MRTFB: variants seen among roughly 807,000 people sequenced by gnomAD.
MRTFB encodes the protein myocardin related transcription factor B.
In MRTFB, 29 loss-of-function variants were observed where a neutral mutation model predicts 104.2. The ratio of observed to expected loss-of-function variants is 0.28; its 90% CI spans 0.21 to 0.38. The LOEUF is 0.38. Among genes scored for constraint, MRTFB ranks in the 10% least tolerant of loss-of-function variants. The probability of loss-of-function intolerance (pLI) is 1.00; values close to 1 mark genes in which losing one functional copy is unlikely to be tolerated. For missense variants in MRTFB, 1,270 were observed against 1,341.6 expected (o/e 0.95, Z 0.83); for synonymous variants, 535 against 519.5 (o/e 1.03, Z -0.41).
chr16:14,071,064 G>A (rs2033651996), upstream of MRTFB, among the ~76,000 whole-genome samples: 1 of 152,220 alleles, frequency 6.6e-6, no homozygotes. Context: ...CCCCGGACAT[G>A]CGCATGCGCA....
At chr16:14,010,853 C>T in the MRTFB span, among the ~76,000 whole-genome samples, 2 of 152,256 alleles carry the variant, frequency 1.3e-5, no homozygotes, top group Non-Finnish European at 2.9e-5. Context: ...CTAGATACAT[C>T]TCAATAGCCA....
chr16:14,216,667 C>T (rs1415225614), intron 6 of MRTFB, among the ~76,000 whole-genome samples: 1 of 152,018 alleles, frequency 6.6e-6, no homozygotes, highest in Non-Finnish European at 1.5e-5. Context: ...AATGATAGCT[C>T]TTCCCATTGA....
intron 3 of MRTFB, among the ~76,000 whole-genome samples, chr16:14,161,536 A>G (rs1160805471): frequency 6.6e-6 from 1 of 152,182 alleles, no homozygotes; most frequent in Non-Finnish European, 1.5e-5. Flanking sequence ...GTGGGCAAAA[A>G]TTTTTTAAAT....
chr16:14,048,010 A>C, the MRTFB span, among the ~76,000 whole-genome samples: 3 of 152,230 alleles, frequency 2.0e-5, no homozygotes, highest in African/African-American at 7.2e-5. Flanking sequence ...AGCCTGTAAA[A>C]TCAAAAGCAA....
intron 2 of MRTFB, among the ~76,000 whole-genome samples, chr16:14,107,824 G>C (rs1267376601): frequency 6.6e-6 from 1 of 152,228 alleles, no homozygotes; most frequent in Non-Finnish European, 1.5e-5. Context: ...CCCAGTGTGA[G>C]GTACACCAAG....
the MRTFB span, among the ~76,000 whole-genome samples, chr16:14,058,973 G>A: frequency 3.3e-5 from 5 of 152,106 alleles, no homozygotes; most frequent in South Asian, 1.0e-3. Context: ...GCCTGCCTCG[G>A]CCTCCCAAAG....
chr16:14,229,707 G>A (rs1314958016), intron 8 of MRTFB, among the ~76,000 whole-genome samples: 9 of 152,006 alleles, frequency 5.9e-5, no homozygotes, highest in Non-Finnish European at 1.2e-4. Flanking sequence ...GCCATTTCTA[G>A]TAGGAGAAAA....
chr16:14,027,333 T>C, the MRTFB span, among the ~76,000 whole-genome samples: 1 of 152,050 alleles, frequency 6.6e-6, no homozygotes, highest in Non-Finnish European at 1.5e-5. Flanking sequence ...AACAACAAAA[T>C]GATAGGAATG....
At chr16:14,234,539 A>C (rs945147090) in intron 9 of MRTFB, among the ~76,000 whole-genome samples, 8 of 152,194 alleles carry the variant, frequency 5.3e-5, no homozygotes, top group Non-Finnish European at 1.0e-4. Context: ...TACCTCTGTA[A>C]TCCCAGTGCT....
intron 2 of MRTFB, among the ~76,000 whole-genome samples, chr16:14,081,642 C>G (rs2034412885): frequency 6.6e-6 from 1 of 151,524 alleles, no homozygotes; most frequent in Admixed American, 6.6e-5. Context: ...TGCAGTGGTG[C>G]AATCACGGCT....
At chr16:14,001,343 C>G in the MRTFB span, among the ~76,000 whole-genome samples, 1 of 152,166 alleles carries the variant, frequency 6.6e-6, no homozygotes, top group East Asian at 1.9e-4. Flanking sequence ...TGTGAGCGCC[C>G]TCCTCATAGG....
At chr16:14,114,998 G>C (rs2036468643) in intron 2 of MRTFB, among the ~76,000 whole-genome samples, 1 of 152,156 alleles carries the variant, frequency 6.6e-6, no homozygotes, top group South Asian at 2.1e-4. Context: ...TGAGTCCTAG[G>C]TTATTCCTCC....
chr16:14,074,420 GGACAAAA>G (rs2033912557), intron 1 of MRTFB, among the ~76,000 whole-genome samples: 2 of 152,104 alleles, frequency 1.3e-5, no homozygotes, highest in Non-Finnish European at 1.5e-5. Context: ...ATTGTTGAAT[GGACAAAA>G]GTTCATGCTT....
intron 2 of MRTFB, among the ~76,000 whole-genome samples, chr16:14,121,713 C>G (rs2036853943): frequency 6.6e-6 from 1 of 152,024 alleles, no homozygotes; most frequent in South Asian, 2.1e-4. Context: ...GTAGCACACG[C>G]TCATTATAAA....
intron 2 of MRTFB, among the ~76,000 whole-genome samples, chr16:14,081,507 C>T (rs1193900026): frequency 2.0e-5 from 3 of 151,990 alleles, no homozygotes; most frequent in Non-Finnish European, 4.4e-5. Flanking sequence ...TGGCCAGGCT[C>T]GTCTTGAACT....
At chr16:14,120,275 G>A (rs1181822398) in intron 2 of MRTFB, among the ~76,000 whole-genome samples, 1 of 152,104 alleles carries the variant, frequency 6.6e-6, no homozygotes, top group Non-Finnish European at 1.5e-5. Flanking sequence ...GCTTTGTTGG[G>A]TGCCAGTTTC....
chr16:14,172,216 C>T (rs2039446216), intron 3 of MRTFB, among the ~76,000 whole-genome samples: 1 of 152,116 alleles, frequency 6.6e-6, no homozygotes. Context: ...ATTTGTCCTT[C>T]CTTCCCCGCC....
chr16:13,997,704 G>C, the MRTFB span, among the ~76,000 whole-genome samples: 1 of 148,888 alleles, frequency 6.7e-6, no homozygotes, highest in Non-Finnish European at 1.5e-5. Flanking sequence ...GAGATAGGGG[G>C]ATAGCTTGAG....
chr16:14,246,715 G>A lies in MRTFB; in HGVS notation c.1455G>A (p.Leu485=). Residue 485 remains leucine, a synonymous_variant, in exon 12 of 17, where the codon TTG becomes TTA. Coordinates refer to ENST00000571589, the MANE Select transcript of MRTFB (RefSeq NM_001308142.2). ...CAGTCTCTACTCTCAAGGCAGAATT[G>A]CCACCTACAGGAACCAGCAACGCAA... The part of the protein sequence containing the change: ...TSSVSTLKAE[L]PPTGTSNATR... The A allele has an allele frequency of 6.2e-7, 1 of 1,614,140 alleles. No individual in the cohort carries two copies. The highest frequency in any genetic ancestry group is 8.5e-7 in the Non-Finnish European group (1 of 1,180,036).
Sources: gnomAD v4.1 joint callset for allele counts (sites outside exome capture counted in the v4.1 genomes callset) on GRCh38, gnomAD v4.1.1 for gene constraint, MANE v1.5 for transcripts, NCBI Gene and HGNC (gene_info 2026-07-23, HGNC 2026-07-21) for gene names.